Variants in SCAPER observed in about 807,000 individuals in gnomAD.
The protein encoded by SCAPER is S phase cyclin A-associated protein in the endoplasmic reticulum.
In SCAPER, 98 loss-of-function variants were observed where a neutral mutation model predicts 182.2. The observed-to-expected ratio is 0.54, with a 90% CI of 0.46 to 0.64. SCAPER has a LOEUF of 0.64. Ranked by LOEUF, SCAPER falls within the 30% of genes least tolerant of loss-of-function variation. The probability of loss-of-function intolerance (pLI) is 0.00; values close to 1 mark genes in which losing one functional copy is unlikely to be tolerated. For missense variants in SCAPER, 1,432 were observed against 1,690.0 expected, an observed-to-expected ratio of 0.85 and a Z score of 2.68; for synonymous variants, 605 against 564.6, an observed-to-expected ratio of 1.07 and a Z score of -1.01.
intron 5 of SCAPER, among the ~76,000 whole-genome samples, chr15:76,812,540 G>A (rs559214105): frequency 1.3e-5 from 2 of 148,890 alleles, no homozygotes; most frequent in African/African-American, 4.9e-5. Flanking sequence ...AAAACAAAGA[G>A]TTGGTTGTAT....
chr15:76,776,581 GC>G (rs1445161632), intron 8 of SCAPER, among the ~76,000 whole-genome samples: 10 of 152,160 alleles, frequency 6.6e-5, no homozygotes, highest in Non-Finnish European at 1.2e-4. Context: ...GTAGTGGGGG[GC>G]AGATTTGTTT....
At chr15:76,544,238 G>A (rs878886191) in intron 23 of SCAPER, among the ~76,000 whole-genome samples, 2 of 152,160 alleles carry the variant, frequency 1.3e-5, no homozygotes, top group Admixed American at 1.3e-4. Flanking sequence ...AGTGAAACAG[G>A]TGCTTTGGAA....
chr15:76,674,855 C>T (rs2057271808), intron 20 of SCAPER, among the ~76,000 whole-genome samples: 1 of 151,570 alleles, frequency 6.6e-6, no homozygotes, highest in Non-Finnish European at 1.5e-5. Flanking sequence ...TATATGTATA[C>T]ATTGGCACGC....
At chr15:76,656,920 G>A (rs1297710329) in intron 21 of SCAPER, among the ~76,000 whole-genome samples, 1 of 152,164 alleles carries the variant, frequency 6.6e-6, no homozygotes, top group African/African-American at 2.4e-5. Context: ...GAAGTTTATA[G>A]TGCTAAACTA....
chr15:76,406,346 C>T (rs1278515644), intron 26 of SCAPER, among the ~76,000 whole-genome samples: 2 of 151,850 alleles, frequency 1.3e-5, no homozygotes, highest in Admixed American at 1.3e-4. Flanking sequence ...GGCATGGTGG[C>T]TGGAACCTGT....
intron 23 of SCAPER, among the ~76,000 whole-genome samples, chr15:76,542,612 T>C (rs1272658070): frequency 3.3e-5 from 5 of 151,724 alleles, no homozygotes; most frequent in African/African-American, 4.8e-5. Context: ...ACACAAGTTT[T>C]GGGATAAGAT....
intron 5 of SCAPER, among the ~76,000 whole-genome samples, chr15:76,815,065 A>T (rs74517996): frequency 0.033 from 5,050 of 152,104 alleles, 123 homozygotes; most frequent in Middle Eastern, 0.058. Context: ...AAAAAAAATC[A>T]CCTCACATCT....
At chr15:76,776,125 G>A (rs893075130) in intron 8 of SCAPER, among the ~76,000 whole-genome samples, 2 of 152,096 alleles carry the variant, frequency 1.3e-5, no homozygotes, top group Admixed American at 6.5e-5. Context: ...TAGCAAACTG[G>A]TGAGTTCCAT....
intron 23 of SCAPER, among the ~76,000 whole-genome samples, chr15:76,530,936 C>CAT: frequency 6.6e-6 from 1 of 150,392 alleles, no homozygotes; most frequent in African/African-American, 2.4e-5. Flanking sequence ...TGTATGTATA[C>CAT]ATATATATGT....
chr15:76,768,790 C>T (rs982965722), intron 10 of SCAPER, among the ~76,000 whole-genome samples: 1 of 145,924 alleles, frequency 6.9e-6, no homozygotes, highest in African/African-American at 2.6e-5. Context: ...AAGACCTGAA[C>T]AATACTATCA....
At chr15:76,725,787 T>C (rs948378062) in intron 17 of SCAPER, among the ~76,000 whole-genome samples, 2 of 151,874 alleles carry the variant, frequency 1.3e-5, no homozygotes, top group African/African-American at 4.8e-5. Flanking sequence ...AAACTGAGTA[T>C]GTGCAAAAGA....
chr15:76,408,631 G>A (rs906903480), intron 26 of SCAPER, among the ~76,000 whole-genome samples: 4 of 151,862 alleles, frequency 2.6e-5, no homozygotes, highest in African/African-American at 9.7e-5. Context: ...AGAAAACCCA[G>A]TTCACTATGT....
intron 26 of SCAPER, among the ~76,000 whole-genome samples, chr15:76,417,998 C>A (rs2045774632): frequency 6.6e-6 from 1 of 151,862 alleles, no homozygotes; most frequent in Non-Finnish European, 1.5e-5. Flanking sequence ...AGCCTGGCAA[C>A]AGAGCAAGAC....
rs1213957538 is a variant in SCAPER, at chr15:76,603,878, G to C, written c.2711+17886C>G. On this transcript the variant is annotated intron_variant, in intron 22 of 31. Transcript: ENST00000563290. ...CCTTTGCCCACTTTTTGATGGGGTT[G>C]TTTTTTTTCTTGTAAATTTGAGTTC... Among the ~76,000 whole-genome samples the C allele has an allele frequency of 6.7e-5, 8 of 120,058 alleles. 4 individuals are homozygous for C. Among genetic ancestry groups the C allele is most frequent in the Non-Finnish European group, 1.6e-4 (8 of 49,210 alleles). 78.8% of individuals were successfully genotyped at this position (120,058 alleles called of 152,430 possible). A position where few individuals can be genotyped will look rare whatever the true frequency, so the allele number is the denominator to read the frequency against.
intron 26 of SCAPER, among the ~76,000 whole-genome samples, chr15:76,405,750 T>G (rs1221646432): frequency 1.3e-5 from 2 of 152,172 alleles, no homozygotes; most frequent in East Asian, 3.9e-4. Context: ...ATGAGAAGGG[T>G]AGGACTGCAA....
intron 23 of SCAPER, among the ~76,000 whole-genome samples, chr15:76,548,357 A>G (rs576925825): frequency 3.9e-4 from 60 of 152,332 alleles, no homozygotes; most frequent in Non-Finnish European, 6.6e-4. Context: ...TTACCATCAC[A>G]AATAGGAATG....
chr15:76,822,199 T>C (rs1004496643), intron 5 of SCAPER, among the ~76,000 whole-genome samples: 1 of 152,190 alleles, frequency 6.6e-6, no homozygotes, highest in Admixed American at 6.5e-5. Flanking sequence ...TCATCAATTG[T>C]AACAAATATA....
At chr15:76,427,618 G>A (rs574946112) in intron 26 of SCAPER, among the ~76,000 whole-genome samples, 1 of 152,188 alleles carries the variant, frequency 6.6e-6, no homozygotes, top group Non-Finnish European at 1.5e-5. Flanking sequence ...GGCTGAGGTG[G>A]GAGGACTGCT....
At chr15:76,640,058 C>T (rs994866363) in intron 21 of SCAPER, among the ~76,000 whole-genome samples, 9 of 152,046 alleles carry the variant, frequency 5.9e-5, no homozygotes, top group Admixed American at 2.6e-4. Flanking sequence ...AAGGAGTAAA[C>T]GATTTATTTT....
Sources: gnomAD v4.1 joint callset for allele counts (sites outside exome capture counted in the v4.1 genomes callset) on GRCh38, gnomAD v4.1.1 for gene constraint, MANE v1.5 for transcripts, NCBI Gene and HGNC (gene_info 2026-07-23, HGNC 2026-07-21) for gene names.